The following AKAP7 variants were observed in gnomAD, a reference collection of about 807,000 sequenced individuals.
The protein encoded by AKAP7 is A-kinase anchoring protein 7.
A neutral mutation model predicts 39.5 loss-of-function variants in AKAP7; 39 were observed. The observed-to-expected ratio is 0.99, with a 90% CI of 0.76 to 1.29. The LOEUF is 1.29. Ranked by LOEUF, AKAP7 falls within the 50% of genes most tolerant of loss-of-function variation. The pLI, the probability that AKAP7 is intolerant of heterozygous loss-of-function variation, is 0.00. For missense variants in AKAP7, 414 were observed against 407.7 expected, an observed-to-expected ratio of 1.02 and a Z score of -0.13; for synonymous variants, 140 against 139.1, an observed-to-expected ratio of 1.01 and a Z score of -0.05.
chr6:131,179,169 T>A (rs1425794693), intron 5 of AKAP7, among the ~76,000 whole-genome samples: 3 of 44,436 alleles, frequency 6.8e-5, no homozygotes, highest in Admixed American at 2.4e-4. Context: ...GTCTATTCGG[T>A]TTTTTTTTTG....
intron 7 of AKAP7, among the ~76,000 whole-genome samples, chr6:131,265,320 A>AGAT (rs1271831133): frequency 9.9e-5 from 15 of 152,226 alleles, no homozygotes; most frequent in African/African-American, 3.6e-4. Context: ...TTTTTAGTAG[A>AGAT]GATGGGGTTT....
intron 5 of AKAP7, among the ~76,000 whole-genome samples, chr6:131,180,152 G>A (rs1194776175): frequency 6.6e-6 from 1 of 152,160 alleles, no homozygotes; most frequent in African/African-American, 2.4e-5. Flanking sequence ...CTCACTTCAA[G>A]TCCCTGTGCT....
intron 5 of AKAP7, among the ~76,000 whole-genome samples, chr6:131,171,441 A>G (rs1804037082): frequency 6.6e-6 from 1 of 152,186 alleles, no homozygotes; most frequent in South Asian, 2.1e-4. Context: ...GCATATGCAA[A>G]TAAATCAAGT....
Position 131,281,376 on chromosome 6 carries a change from C to G in AKAP7, c.851-154C>G, listed in dbSNP as rs1225045553. Reference sequence around the variant, plus strand: ...AGGAATAGACAGGCTCCTGCTTCTGCAAATACCAAATGAAAAGCCAACCCA... The same window carrying G: ...AGGAATAGACAGGCTCCTGCTTCTGGAAATACCAAATGAAAAGCCAACCCA... On this transcript the variant is annotated intron_variant, in intron 7 of 7. Coordinates refer to ENST00000431975, the MANE Select transcript of AKAP7 (RefSeq NM_016377.4). This position sits in a 1 kb window ranked among gnomAD's most constrained non-coding sequence, Gnocchi z 4.0. 1.3e-5 allele frequency among the ~76,000 whole-genome samples: 2 copies of G among 152,192 alleles called. No homozygotes were observed. The highest frequency in any genetic ancestry group is 4.8e-5 in the African/African-American group (2 of 41,448).
At chr6:131,266,493 C>G (rs546962967) in intron 7 of AKAP7, among the ~76,000 whole-genome samples, 2 of 152,142 alleles carry the variant, frequency 1.3e-5, no homozygotes, top group Non-Finnish European at 2.9e-5. Context: ...TTTCAAAGAA[C>G]CTTAATAAAC....
At chr6:131,200,576 A>G (rs1471155109) in intron 6 of AKAP7, among the ~76,000 whole-genome samples, 5 of 152,054 alleles carry the variant, frequency 3.3e-5, no homozygotes, top group Non-Finnish European at 4.4e-5. Context: ...CCTTTAAATC[A>G]TGGGTTTGGG....
At chr6:131,164,870 C>G (rs903248080) in intron 3 of AKAP7, among the ~76,000 whole-genome samples, 5 of 152,138 alleles carry the variant, frequency 3.3e-5, no homozygotes, top group Non-Finnish European at 7.4e-5. Context: ...AATCATCATG[C>G]TTTAAAACTT....
At chr6:131,263,484 C>T (rs1813532192) in intron 7 of AKAP7, among the ~76,000 whole-genome samples, 1 of 152,158 alleles carries the variant, frequency 6.6e-6, no homozygotes, top group Non-Finnish European at 1.5e-5. Context: ...AATGTGTATG[C>T]AACCTGTGAG....
At chr6:131,159,748 A>T (rs1245541874) in intron 2 of AKAP7, among the ~76,000 whole-genome samples, 3 of 152,242 alleles carry the variant, frequency 2.0e-5, no homozygotes, top group African/African-American at 7.2e-5. Flanking sequence ...ATCATGAGTC[A>T]GCTCACTATG....
chr6:131,211,504 G>A (rs866948150), intron 6 of AKAP7, among the ~76,000 whole-genome samples: 3 of 152,008 alleles, frequency 2.0e-5, no homozygotes, highest in Middle Eastern at 3.4e-3. Flanking sequence ...GGTGGCTCAC[G>A]CCTGTAATCC....
At chr6:131,228,196 G>A (rs1025435159) in intron 7 of AKAP7, among the ~76,000 whole-genome samples, 5 of 152,166 alleles carry the variant, frequency 3.3e-5, no homozygotes, top group African/African-American at 1.2e-4. Flanking sequence ...GGAAGGCGTA[G>A]GAGGAGAAGG....
chr6:131,268,023 GA>G (rs1464036476), intron 7 of AKAP7, among the ~76,000 whole-genome samples: 1 of 152,186 alleles, frequency 6.6e-6, no homozygotes, highest in Non-Finnish European at 1.5e-5. Context: ...GAAGAAGGGA[GA>G]AAGGGAGGGA....
chr6:131,161,953 AG>A (rs1347890460), intron 3 of AKAP7, among the ~76,000 whole-genome samples: 6 of 152,134 alleles, frequency 3.9e-5, no homozygotes, highest in Non-Finnish European at 1.5e-5. Flanking sequence ...AAGAGAATCC[AG>A]GTTCTGTATT....
At chr6:131,230,880 C>A (rs752068423) in intron 7 of AKAP7, among the ~76,000 whole-genome samples, 7 of 151,996 alleles carry the variant, frequency 4.6e-5, no homozygotes, top group Non-Finnish European at 8.8e-5. Flanking sequence ...CAAAGAATAT[C>A]CACAATTATC....
chr6:131,172,095 A>G (rs994075525), intron 5 of AKAP7, among the ~76,000 whole-genome samples: 2 of 152,220 alleles, frequency 1.3e-5, no homozygotes, highest in Non-Finnish European at 2.9e-5. Context: ...AATGATAGCT[A>G]GAAGTTTTAA....
At chr6:131,267,135 A>C (rs1383019902) in intron 7 of AKAP7, among the ~76,000 whole-genome samples, 4 of 152,236 alleles carry the variant, frequency 2.6e-5, no homozygotes, top group African/African-American at 9.6e-5. Context: ...AATTTTAAAA[A>C]ATATTATGAA....
At chr6:131,156,735 A>G (rs1188385803) in intron 2 of AKAP7, among the ~76,000 whole-genome samples, 1 of 152,060 alleles carries the variant, frequency 6.6e-6, no homozygotes, top group Non-Finnish European at 1.5e-5. Flanking sequence ...ATGAGTAAAA[A>G]CAATGGAGAG....
Position 131,250,548 on chromosome 6 carries a change from A to G in AKAP7, c.850+30740A>G, listed in dbSNP as rs115436240. The G allele has an allele frequency of 1.3e-3, 2,077 of 1,614,002 alleles. 26 individuals are homozygous for G. In the African/African-American group the frequency reaches 0.025, roughly 20 times the overall value. ...TCCTCACGGAGAAGAACACCAGGAA[A>G]GACAGACAGGACCAGTGCCATGGGC... On this transcript the variant is annotated intron_variant, in intron 7 of 7. Coordinates refer to ENST00000431975, the MANE Select transcript of AKAP7 (RefSeq NM_016377.4).
chr6:131,262,682 C>A (rs1026873766), intron 7 of AKAP7, among the ~76,000 whole-genome samples: 4 of 152,054 alleles, frequency 2.6e-5, no homozygotes, highest in Admixed American at 1.3e-4. Flanking sequence ...AAAACTCTCA[C>A]CTAGATCAAT....
Sources: gnomAD v4.1 joint callset for allele counts (sites outside exome capture counted in the v4.1 genomes callset) on GRCh38, gnomAD v4.1.1 for gene constraint, Gnocchi (gnomAD v3.1) non-coding constraint, MANE v1.5 for transcripts, NCBI Gene and HGNC (gene_info 2026-07-23, HGNC 2026-07-21) for gene names.